Variants in PRDM6 observed in about 807,000 individuals in gnomAD.
PRDM6 encodes PR/SET domain 6.
A neutral mutation model predicts 60.8 loss-of-function variants in PRDM6; 25 were observed. The observed-to-expected ratio is 0.41, with a 90% CI of 0.30 to 0.57. The LOEUF (loss-of-function observed/expected upper bound fraction) is 0.57, where lower values mean the gene tolerates loss of function less well. Among genes scored for constraint, PRDM6 ranks in the 20% least tolerant of loss-of-function variants. The probability of loss-of-function intolerance (pLI) is 0.27; values close to 1 mark genes in which losing one functional copy is unlikely to be tolerated. For missense variants in PRDM6, 839 were observed against 821.3 expected (o/e 1.02, Z -0.26); for synonymous variants, 407 against 357.4 (o/e 1.14, Z -1.57).
chr5:123,156,750 G>A (rs921509966), intron 4 of PRDM6, among the ~76,000 whole-genome samples: 10 of 152,232 alleles, frequency 6.6e-5, no homozygotes, highest in East Asian at 1.9e-4. Context: ...TGGATTCCCC[G>A]GACACTCAGC....
At chr5:123,170,645 C>A in intron 5 of PRDM6, 121 bp from the exon 6 acceptor site, 1 of 743,466 alleles carries the variant, frequency 1.3e-6, no homozygotes, top group Non-Finnish European at 2.2e-6. Context: ...TATGTTAATT[C>A]TGAGTCCAGA....
intron 3 of PRDM6, among the ~76,000 whole-genome samples, chr5:123,151,678 G>C (rs765596966): frequency 1.3e-5 from 2 of 151,984 alleles, no homozygotes; most frequent in Admixed American, 6.6e-5. Context: ...CACAGTGCTC[G>C]GCATTCTGGC....
intron 3 of PRDM6, among the ~76,000 whole-genome samples, chr5:123,131,527 A>G (rs897002989): frequency 3.9e-5 from 6 of 152,216 alleles, no homozygotes; most frequent in Non-Finnish European, 8.8e-5. Context: ...TATGCCTGGC[A>G]TTGTTCTGTG....
intron 2 of PRDM6, among the ~76,000 whole-genome samples, chr5:123,091,209 G>C (rs1344947936): frequency 6.6e-6 from 1 of 152,152 alleles, no homozygotes; most frequent in Non-Finnish European, 1.5e-5. Context: ...AAGGCAGGCA[G>C]TATTCTTAGA....
At chr5:123,128,501 G>A (rs778199322) in intron 3 of PRDM6, among the ~76,000 whole-genome samples, 9 of 152,298 alleles carry the variant, frequency 5.9e-5, no homozygotes, top group Admixed American at 1.3e-4. Flanking sequence ...GTTTTGATTT[G>A]CATTTCTCTG....
chr5:123,098,984 T>C (rs1473030103), intron 2 of PRDM6, among the ~76,000 whole-genome samples: 2 of 151,350 alleles, frequency 1.3e-5, no homozygotes, highest in Non-Finnish European at 2.9e-5. Flanking sequence ...CCCGTGGCGT[T>C]TGGGAGGCAG....
intron 3 of PRDM6, among the ~76,000 whole-genome samples, chr5:123,145,675 T>C (rs1290055486): frequency 1.3e-5 from 2 of 152,184 alleles, no homozygotes; most frequent in Non-Finnish European, 2.9e-5. Context: ...ACTGAGTGCA[T>C]GCTCAGCACT....
intron 3 of PRDM6, among the ~76,000 whole-genome samples, chr5:123,150,786 C>A (rs141005710): frequency 6.6e-6 from 1 of 152,138 alleles, no homozygotes; most frequent in African/African-American, 2.4e-5. Context: ...TTGTAAACAG[C>A]GCTGGGTTCA....
intron 3 of PRDM6, among the ~76,000 whole-genome samples, chr5:123,138,027 A>ACCC (rs55805567): frequency 1.0e-3 from 157 of 151,292 alleles, no homozygotes; most frequent in Non-Finnish European, 1.6e-3. Context: ...CTCTGGGTTC[A>ACCC]CCCCCGCACC....
At chr5:123,115,199 G>A (rs1310241553) in intron 3 of PRDM6, among the ~76,000 whole-genome samples, 2 of 152,130 alleles carry the variant, frequency 1.3e-5, no homozygotes, top group African/African-American at 2.4e-5. Flanking sequence ...GACAATAAAG[G>A]GAAGAGCCTT....
At chr5:123,105,071 C>G (rs200352852) in intron 3 of PRDM6, among the ~76,000 whole-genome samples, 2 of 152,322 alleles carry the variant, frequency 1.3e-5, no homozygotes, top group East Asian at 3.9e-4. Context: ...GCTTTAGCTG[C>G]AAACACTTTA....
At chr5:123,155,748 C>T in intron 3 of PRDM6, 136 bp from the exon 4 acceptor site, 1 of 917,436 alleles carries the variant, frequency 1.1e-6, no homozygotes, top group Non-Finnish European at 1.6e-6. Context: ...TTGAGTTGTC[C>T]ACAAGCATCA....
At chr5:123,121,227 T>C (rs1764573635) in intron 3 of PRDM6, among the ~76,000 whole-genome samples, 2 of 152,186 alleles carry the variant, frequency 1.3e-5, no homozygotes, top group African/African-American at 4.8e-5. Flanking sequence ...TTTATAGAAA[T>C]TTCAAACATG....
chr5:123,182,318 C>T (rs994780310), intron 7 of PRDM6, among the ~76,000 whole-genome samples: 7 of 152,178 alleles, frequency 4.6e-5, no homozygotes, highest in African/African-American at 1.4e-4. Flanking sequence ...GGCACGTTGC[C>T]TGTGCCTTTG....
intron 3 of PRDM6, among the ~76,000 whole-genome samples, chr5:123,108,870 TA>T (rs1468302718): frequency 1.5e-4 from 23 of 152,268 alleles, no homozygotes; most frequent in African/African-American, 5.5e-4. Flanking sequence ...ATCTCTTTGA[TA>T]CTGCAAAACA....
intron 3 of PRDM6, among the ~76,000 whole-genome samples, chr5:123,145,590 A>G (rs1236712552): frequency 6.6e-6 from 1 of 152,060 alleles, no homozygotes. Flanking sequence ...CCCTTTCTTG[A>G]GCACCCTGAG....
At chr5:123,162,391 A>G (rs528207187) in intron 5 of PRDM6, among the ~76,000 whole-genome samples, 18 of 152,262 alleles carry the variant, frequency 1.2e-4, no homozygotes, top group Non-Finnish European at 2.1e-4. Context: ...TCTGGAAAAA[A>G]CATACCAGTT....
chr5:123,122,845 A>G (rs921426909), intron 3 of PRDM6, among the ~76,000 whole-genome samples: 10 of 152,204 alleles, frequency 6.6e-5, no homozygotes, highest in African/African-American at 2.4e-4. Context: ...AAAACATAGT[A>G]TATTGTAAAA....
rs140160805 is a variant in PRDM6 at position 123,163,172 on chromosome 5, A to G, written c.1153+3534A>G. ...ATGAAGAAATGTGCACTGAATAAAT[A>G]CTGAGAATTTCTATTACCATTATTA... On this transcript the variant is annotated intron_variant, in intron 5 of 7. Coordinates refer to ENST00000407847, the MANE Select transcript of PRDM6 (RefSeq NM_001136239.4). Among the ~76,000 whole-genome samples, 1,178 of 152,274 alleles carry G rather than the reference A, an allele frequency of 7.7e-3. 16 individuals are homozygous for G. Among genetic ancestry groups the G allele is most frequent in the African/African-American group, 0.027 (1,133 of 41,540 alleles).
Sources: allele counts gnomAD v4.1 joint callset (sites outside exome capture counted in the v4.1 genomes callset), GRCh38; gene constraint gnomAD v4.1.1; transcripts MANE v1.5; gene names NCBI Gene and HGNC (gene_info 2026-07-23, HGNC 2026-07-21).